IFTAP: variants seen among roughly 807,000 people sequenced by gnomAD.
The protein encoded by IFTAP is intraflagellar transport-associated protein.
In IFTAP, 19 loss-of-function variants were observed where a neutral mutation model predicts 19.4. The observed-to-expected ratio is 0.98, with a 90% CI of 0.68 to 1.44. The LOEUF (loss-of-function observed/expected upper bound fraction) is 1.44, where lower values mean the gene tolerates loss of function less well. Ranked by LOEUF, IFTAP falls within the 40% of genes most tolerant of loss-of-function variation. IFTAP has a pLI of 0.00. For missense variants in IFTAP, 240 were observed against 253.6 expected, an observed-to-expected ratio of 0.95 and a Z score of 0.36; for synonymous variants, 85 against 83.5, an observed-to-expected ratio of 1.02 and a Z score of -0.10.
At chr11:36,622,776 T>A (rs951507933) in intron 2 of IFTAP, among the ~76,000 whole-genome samples, 6 of 152,182 alleles carry the variant, frequency 3.9e-5, no homozygotes, top group Non-Finnish European at 8.8e-5. Flanking sequence ...AGGTTAAATA[T>A]GAAAGGAATC....
At chr11:36,635,367 T>G (rs1288020182) in intron 3 of IFTAP, among the ~76,000 whole-genome samples, 4 of 152,210 alleles carry the variant, frequency 2.6e-5, no homozygotes, top group Non-Finnish European at 5.9e-5. Flanking sequence ...TTTGTTAATC[T>G]AAAATGTCTC....
chr11:36,631,541 C>T (rs747328044), intron 2 of IFTAP, among the ~76,000 whole-genome samples: 1 of 151,162 alleles, frequency 6.6e-6, no homozygotes, highest in African/African-American at 2.5e-5. Context: ...GTGATCATTA[C>T]AACAACATGA....
intron 1 of IFTAP, among the ~76,000 whole-genome samples, chr11:36,608,595 T>A (rs1008712021): frequency 2.6e-5 from 4 of 152,204 alleles, no homozygotes; most frequent in African/African-American, 4.8e-5. Context: ...AAGTCCAAAC[T>A]GTGCTTGGAT....
chr11:36,597,500 AC>A (rs1851317582), intron 1 of IFTAP: 1 of 152,122 alleles, frequency 6.6e-6, no homozygotes, highest in Non-Finnish European at 1.5e-5. Context: ...AATTTTCCCA[AC>A]CCCATGCTAA....
intron 1 of IFTAP, among the ~76,000 whole-genome samples, chr11:36,596,211 G>GTTTTTTT (rs1243664769): frequency 4.0e-4 from 40 of 101,122 alleles, no homozygotes; most frequent in African/African-American, 6.2e-4. Context: ...AGATGGTAGT[G>GTTTTTTT]TTTTTTTTTT....
At chr11:36,619,376 T>A (rs1206278151) in intron 2 of IFTAP, among the ~76,000 whole-genome samples, 1 of 152,018 alleles carries the variant, frequency 6.6e-6, no homozygotes, top group Non-Finnish European at 1.5e-5. Context: ...CAATGCATCT[T>A]TAAATTTCCA....
rs538742576 is a variant in IFTAP, at chr11:36,598,336, C to T, written c.-24+3744C>T. The T allele has an allele frequency of 3.3e-5, 5 of 152,016 alleles. No homozygotes were observed. The South Asian group carries it at 8.3e-4, about 25-fold the overall frequency. 9.4% of individuals were successfully genotyped at this position (152,016 alleles called of 1,614,324 possible). The stretch of plus-strand genomic sequence containing the variant: ...TTCTTTAGATGGTTGAGGGAGATAC[C>T]CAACAGGGTGTACCCTCAGGATTTA... On this transcript the variant is annotated intron_variant, in intron 1 of 5. Coordinates refer to ENST00000334307, the MANE Select transcript of IFTAP (RefSeq NM_138787.4).
chr11:36,613,329 C>T (rs1414700593), intron 2 of IFTAP, among the ~76,000 whole-genome samples: 1 of 151,946 alleles, frequency 6.6e-6, no homozygotes, highest in South Asian at 2.1e-4. Context: ...TCTTGCCTGT[C>T]ATATTGCTAT....
chr11:36,648,654 G>T (rs184300293), intron 5 of IFTAP, among the ~76,000 whole-genome samples: 14 of 152,208 alleles, frequency 9.2e-5, no homozygotes, highest in Admixed American at 8.5e-4. Context: ...GGGTCATCAG[G>T]GACCCAGGTT....
chr11:36,603,365 G>T (rs759193043), intron 1 of IFTAP, among the ~76,000 whole-genome samples: 20 of 152,072 alleles, frequency 1.3e-4, no homozygotes, highest in Admixed American at 1.3e-4. Context: ...AACATTCTTG[G>T]TAAACTTTTA....
intron 4 of IFTAP, among the ~76,000 whole-genome samples, chr11:36,644,468 A>G (rs1421921155): frequency 1.3e-5 from 2 of 152,220 alleles, no homozygotes; most frequent in African/African-American, 4.8e-5. Flanking sequence ...AGAACTAGAA[A>G]GACCATTTGA....
In IFTAP at chr11:36,651,319, G is replaced by T. The variant is rs556142677; in HGVS notation, c.498+3164G>T. Among the ~76,000 whole-genome samples the T allele has an allele frequency of 1.8e-3, 277 of 152,218 alleles. 1 individual carries two copies. Among genetic ancestry groups the T allele is most frequent in the African/African-American group, 6.2e-3 (258 of 41,556 alleles). On this transcript the variant is annotated intron_variant, in intron 5 of 5. Coordinates refer to ENST00000334307, the MANE Select transcript of IFTAP (RefSeq NM_138787.4). ...CTCTGATGGCCAGTGATAATGAGCAGTTTTTCATGTGTCTGTTGGCTGCAT... is the reference window on the plus strand; with the variant it reads ...CTCTGATGGCCAGTGATAATGAGCATTTTTTCATGTGTCTGTTGGCTGCAT...
chr11:36,626,911 A>G (rs970231214), intron 2 of IFTAP, among the ~76,000 whole-genome samples: 9 of 151,154 alleles, frequency 6.0e-5, no homozygotes, highest in African/African-American at 2.0e-4. Context: ...TCAGTATCAT[A>G]ATTAAGGGGG....
intron 1 of IFTAP, chr11:36,597,589 A>G (rs1460212861): frequency 1.3e-5 from 2 of 152,202 alleles, no homozygotes; most frequent in East Asian, 3.9e-4. Context: ...GACTCATAGT[A>G]TGAGGTCTGG....
chr11:36,625,318 C>T (rs916703759), intron 2 of IFTAP, among the ~76,000 whole-genome samples: 13 of 151,958 alleles, frequency 8.6e-5, no homozygotes, highest in African/African-American at 3.1e-4. Context: ...CTAATATTTT[C>T]ATTCATTTAT....
intron 4 of IFTAP, among the ~76,000 whole-genome samples, chr11:36,640,809 A>G (rs904327861): frequency 6.6e-6 from 1 of 152,160 alleles, no homozygotes; most frequent in Non-Finnish European, 1.5e-5. Flanking sequence ...ATATGTCAAC[A>G]TTTGGAAGAT....
intron 1 of IFTAP, among the ~76,000 whole-genome samples, chr11:36,605,277 C>T (rs570034591): frequency 6.7e-6 from 1 of 149,750 alleles, no homozygotes; most frequent in Non-Finnish European, 1.5e-5. Context: ...CCACCTCCCC[C>T]CTGCCCCCCC....
intron 2 of IFTAP, among the ~76,000 whole-genome samples, chr11:36,617,973 G>A (rs762183975): frequency 5.9e-5 from 9 of 151,854 alleles, no homozygotes; most frequent in Non-Finnish European, 1.2e-4. Context: ...TAAGTTCTAG[G>A]GATTAATGCT....
At chr11:36,640,799 A>G (rs1853166063) in intron 4 of IFTAP, among the ~76,000 whole-genome samples, 1 of 152,062 alleles carries the variant, frequency 6.6e-6, no homozygotes, top group Admixed American at 6.6e-5. Flanking sequence ...GTATAATGAA[A>G]TATGTCAACA....
Sources: allele counts gnomAD v4.1 joint callset (sites outside exome capture counted in the v4.1 genomes callset), GRCh38; gene constraint gnomAD v4.1.1; transcripts MANE v1.5; gene names NCBI Gene and HGNC (gene_info 2026-07-23, HGNC 2026-07-21).